The following TESK2 variants were observed in gnomAD, a reference collection of about 807,000 sequenced individuals.
The protein encoded by TESK2 is dual specificity testis-specific protein kinase 2.
Under a neutral mutation model 57.1 loss-of-function variants are expected in TESK2, and 39 were observed. The observed-to-expected ratio is 0.68, with a 90% confidence interval of 0.53 to 0.89. The LOEUF is 0.89. Among genes scored for constraint, TESK2 ranks in the 40% least tolerant of loss-of-function variants. The pLI is 0.00. For missense variants in TESK2, 646 were observed against 732.1 expected (o/e 0.88, Z 1.36); for synonymous variants, 249 against 267.9 (o/e 0.93, Z 0.69).
intron 2 of TESK2, among the ~76,000 whole-genome samples, chr1:45,446,004 C>A (rs563751085): frequency 6.6e-6 from 1 of 152,110 alleles, no homozygotes; most frequent in South Asian, 2.1e-4. Flanking sequence ...AAATTGTCCT[C>A]AGGAGAAACA....
chr1:45,376,211 C>T (rs1383809260), intron 4 of TESK2, among the ~76,000 whole-genome samples: 8 of 121,210 alleles, frequency 6.6e-5, no homozygotes, highest in African/African-American at 2.5e-4. Flanking sequence ...TTCTTTCTCT[C>T]TCTTTTTTTT....
At chr1:45,476,973 T>C (rs1285616350) in intron 1 of TESK2, among the ~76,000 whole-genome samples, 1 of 151,968 alleles carries the variant, frequency 6.6e-6, no homozygotes, top group Admixed American at 6.6e-5. Context: ...GGCCGATTTT[T>C]TAATTTTTTG....
intron 1 of TESK2, among the ~76,000 whole-genome samples, chr1:45,480,458 CAA>C (rs112614744): frequency 2.2e-4 from 16 of 74,048 alleles, no homozygotes; most frequent in East Asian, 3.9e-4. Flanking sequence ...ACTCAGTCTC[CAA>C]AAAAAAAAAA....
chr1:45,345,676 A>G (rs1486849099), intron 10 of TESK2, 118 bp from the exon 11 acceptor site: 6 of 1,048,194 alleles, frequency 5.7e-6, no homozygotes, highest in East Asian at 4.7e-5. Flanking sequence ...TGTTTTACCA[A>G]TGAAGAAACA....
chr1:45,447,894 T>C (rs1407477735), intron 2 of TESK2, among the ~76,000 whole-genome samples: 1 of 152,114 alleles, frequency 6.6e-6, no homozygotes, highest in African/African-American at 2.4e-5. Context: ...GTCTGAAATG[T>C]CATTATGACT....
In TESK2 at chr1:45,485,194, T is replaced by TG. The variant is rs1297907665; in HGVS notation, c.-87+5657_-87+5658insC. On this transcript the variant is annotated intron_variant, in intron 1 of 10. Coordinates refer to ENST00000372086, the MANE Select transcript of TESK2 (RefSeq NM_007170.3). ...TTTTTCACTGTTTTGTTTTTTGTTT[T>TG]TTGTTTTTTTTTGAGATGGAGTCTC... Among the ~76,000 whole-genome samples, 19 of 140,916 alleles carry TG rather than the reference T, an allele frequency of 1.3e-4. 1 individual carries two copies. Among genetic ancestry groups the TG allele is most frequent in the Middle Eastern group, 7.0e-3 (2 of 284 alleles). The allele number at this position is 140,916 out of a possible 152,430, so 92.4% of individuals were successfully genotyped here.
At chr1:45,364,462 T>G (rs1395349761) in intron 4 of TESK2, among the ~76,000 whole-genome samples, 1 of 152,188 alleles carries the variant, frequency 6.6e-6, no homozygotes, top group Non-Finnish European at 1.5e-5. Context: ...CGTAGAGCCT[T>G]CAGAGAGAAC....
intron 3 of TESK2, among the ~76,000 whole-genome samples, chr1:45,402,302 G>A (rs1228116461): frequency 1.3e-5 from 2 of 150,832 alleles, no homozygotes; most frequent in African/African-American, 4.9e-5. Flanking sequence ...ACAGCCAGGA[G>A]GATCACTTGA....
chr1:45,469,954 T>C (rs1321424904), intron 1 of TESK2, among the ~76,000 whole-genome samples: 1 of 152,216 alleles, frequency 6.6e-6, no homozygotes, highest in Non-Finnish European at 1.5e-5. Flanking sequence ...GTAGCTGGAT[T>C]TGGCAGTGTC....
intron 4 of TESK2, among the ~76,000 whole-genome samples, chr1:45,365,257 C>G (rs1168910386): frequency 3.3e-5 from 5 of 152,154 alleles, no homozygotes; most frequent in African/African-American, 1.2e-4. Context: ...CGTATATCTG[C>G]CAAGGACTGA....
intron 4 of TESK2, among the ~76,000 whole-genome samples, chr1:45,384,389 GTCTATCTATCTATCTA>G (rs71052870): frequency 6.9e-5 from 10 of 144,264 alleles, no homozygotes; most frequent in South Asian, 2.2e-4. Context: ...CTATCTATCT[GTCTATCTATCTATCTA>G]TCTATCTATC....
chr1:45,392,427 G>T (rs902273761), intron 3 of TESK2, among the ~76,000 whole-genome samples: 1 of 151,844 alleles, frequency 6.6e-6, no homozygotes, highest in Non-Finnish European at 1.5e-5. Context: ...TTTTAGCCCG[G>T]CGCGGTGGCT....
At chr1:45,396,553 A>G (rs902973381) in intron 3 of TESK2, among the ~76,000 whole-genome samples, 3 of 152,022 alleles carry the variant, frequency 2.0e-5, no homozygotes, top group Non-Finnish European at 4.4e-5. Context: ...CAGTAGTGCA[A>G]TCTCAGCTTA....
chr1:45,378,394 TA>T (rs1221724035), intron 4 of TESK2, among the ~76,000 whole-genome samples: 12 of 152,176 alleles, frequency 7.9e-5, no homozygotes, highest in Non-Finnish European at 2.9e-5. Context: ...GGCTAGGTCA[TA>T]AAAGGCTTGC....
intron 2 of TESK2, among the ~76,000 whole-genome samples, chr1:45,456,907 A>G (rs1652132666): frequency 2.6e-5 from 4 of 152,174 alleles, no homozygotes; most frequent in Non-Finnish European, 5.9e-5. Flanking sequence ...AGGACTAGTG[A>G]GGAAATACTG....
intron 2 of TESK2, among the ~76,000 whole-genome samples, chr1:45,422,517 C>A (rs532477791): frequency 6.6e-6 from 1 of 152,262 alleles, no homozygotes; most frequent in East Asian, 1.9e-4. Flanking sequence ...AATCTCGGCT[C>A]ACTGCAACCT....
chr1:45,474,385 G>T (rs1400684413), intron 1 of TESK2, among the ~76,000 whole-genome samples: 1 of 152,144 alleles, frequency 6.6e-6, no homozygotes, highest in Non-Finnish European at 1.5e-5. Context: ...CCAGCACTTT[G>T]GGAGGCCAAG....
At chr1:45,442,556 C>A (rs1163540886) in intron 2 of TESK2, among the ~76,000 whole-genome samples, 1 of 152,184 alleles carries the variant, frequency 6.6e-6, no homozygotes, top group Non-Finnish European at 1.5e-5. Context: ...CAGAACCACT[C>A]TTTTTTCTTT....
chr1:45,444,067 T>C (rs1651556049), intron 2 of TESK2, among the ~76,000 whole-genome samples: 1 of 151,976 alleles, frequency 6.6e-6, no homozygotes. Flanking sequence ...CAGTCCTATC[T>C]ACTTGTGAAG....
Sources: allele counts gnomAD v4.1 joint callset (sites outside exome capture counted in the v4.1 genomes callset), GRCh38; gene constraint gnomAD v4.1.1; transcripts MANE v1.5; gene names NCBI Gene and HGNC (gene_info 2026-07-23, HGNC 2026-07-21).